Variants in TEC observed in about 807,000 individuals in gnomAD.
TEC encodes tec protein tyrosine kinase.
A neutral mutation model predicts 93.0 loss-of-function variants in TEC; 72 were observed. The ratio of observed to expected loss-of-function variants is 0.77; its 90% confidence interval spans 0.64 to 0.94. TEC has a LOEUF of 0.94. Among genes scored for constraint, TEC ranks in the 40% least tolerant of loss-of-function variants. The pLI, the probability that TEC is intolerant of heterozygous loss-of-function variation, is 0.00. For missense variants in TEC, 630 were observed against 757.9 expected (o/e 0.83, Z 1.98); for synonymous variants, 249 against 247.7 (o/e 1.01, Z -0.05).
intron 4 of TEC, among the ~76,000 whole-genome samples, chr4:48,170,944 A>C (rs1254225918): frequency 1.3e-5 from 2 of 151,924 alleles, no homozygotes; most frequent in African/African-American, 4.8e-5. Flanking sequence ...CTAGCTACTT[A>C]GGAGGCTGAG....
At position 48,163,802 on chromosome 4, in the gene TEC, T is replaced by C. The variant is rs556407049; in HGVS notation, c.672-35A>G. On this transcript the variant is annotated intron_variant, in intron 7 of 17. Coordinates refer to ENST00000381501, the MANE Select transcript of TEC (RefSeq NM_003215.3). ...AGAAAAATACTTTAGGTAAACTTAC[T>C]TTACTGGGAGGTTATTGAAAGAAAG... 2.2e-4 allele frequency: 262 copies of C among 1,184,384 alleles called. 2 individuals carry two copies. The South Asian group carries it at 3.5e-3, about 16-fold the overall frequency. The allele number at this position is 1,184,384 out of a possible 1,614,324, so 73.4% of individuals were successfully genotyped here. A position where few individuals can be genotyped will look rare whatever the true frequency, so the allele number is the denominator to read the frequency against.
chr4:48,165,682 C>T (rs1295341871), intron 7 of TEC, among the ~76,000 whole-genome samples: 1 of 152,156 alleles, frequency 6.6e-6, no homozygotes, highest in African/African-American at 2.4e-5. Context: ...TATTAAGTGA[C>T]ACCACAAGAA....
At chr4:48,179,355 TATATATATATATATA>T (rs1721472192) in intron 2 of TEC, among the ~76,000 whole-genome samples, 2 of 34,136 alleles carry the variant, frequency 5.9e-5, no homozygotes, top group Admixed American at 2.9e-4. Flanking sequence ...TATATATATA[TATATATATATATATA>T]TATATATTTT....
intron 2 of TEC, among the ~76,000 whole-genome samples, chr4:48,207,913 T>C (rs1577637720): frequency 6.6e-6 from 1 of 152,140 alleles, no homozygotes; most frequent in African/African-American, 2.4e-5. Flanking sequence ...TAAATCCTAA[T>C]AGAAGAAAAG....
intron 7 of TEC, among the ~76,000 whole-genome samples, chr4:48,167,043 T>C (rs1043170569): frequency 6.6e-6 from 1 of 151,928 alleles, no homozygotes; most frequent in African/African-American, 2.4e-5. Flanking sequence ...ATAAGTGGGA[T>C]TGCACTGCAG....
At chr4:48,224,668 T>A (rs1723383739) in intron 2 of TEC, among the ~76,000 whole-genome samples, 1 of 152,154 alleles carries the variant, frequency 6.6e-6, no homozygotes, top group Non-Finnish European at 1.5e-5. Flanking sequence ...GAGGACAAAC[T>A]AAAGAAGGAC....
At chr4:48,179,372 ATATATTTTTT>A (rs1347436325) in intron 2 of TEC, among the ~76,000 whole-genome samples, 21 of 27,064 alleles carry the variant, frequency 7.8e-4, no homozygotes, top group East Asian at 4.2e-3. Flanking sequence ...ATATATATAT[ATATATTTTTT>A]TTTTTTTTTT....
intron 2 of TEC, among the ~76,000 whole-genome samples, chr4:48,186,804 G>A (rs1424341732): frequency 1.3e-5 from 2 of 149,500 alleles, no homozygotes; most frequent in East Asian, 4.1e-4. Context: ...CCCCATCTGG[G>A]AGGGAGGTTG....
intron 8 of TEC, among the ~76,000 whole-genome samples, chr4:48,158,267 C>G (rs1356279640): frequency 6.6e-6 from 1 of 152,114 alleles, no homozygotes; most frequent in Non-Finnish European, 1.5e-5. Flanking sequence ...ATATAGTAGC[C>G]AAATGCAAAT....
chr4:48,189,146 C>T (rs1339241819), intron 2 of TEC, among the ~76,000 whole-genome samples: 1 of 152,168 alleles, frequency 6.6e-6, no homozygotes, highest in Non-Finnish European at 1.5e-5. Flanking sequence ...ACAGATGGCA[C>T]ATATATGGCA....
chr4:48,213,514 T>C (rs538601815), intron 2 of TEC, among the ~76,000 whole-genome samples: 36 of 152,286 alleles, frequency 2.4e-4, no homozygotes, highest in African/African-American at 7.9e-4. Context: ...GAAGTCCTCC[T>C]AAAAAAGTAA....
Position 48,146,280 on chromosome 4 carries a change from C to T in TEC, c.1081+45G>A, listed in dbSNP as rs748305261. 3 of 1,571,362 alleles carry T rather than the reference C, an allele frequency of 1.9e-6. No homozygotes were observed. The African/African-American group carries it at 4.1e-5, about 21-fold the overall frequency. ...CAAATTTATCTTATGACAATGGATT[C>T]TTTTCAAGGAAAATTAGCTCATGCA... On this transcript the variant is annotated intron_variant, in intron 12 of 17. Transcript: ENST00000381501.
At chr4:48,232,315 A>C (rs534774092) in intron 1 of TEC, among the ~76,000 whole-genome samples, 18 of 152,200 alleles carry the variant, frequency 1.2e-4, no homozygotes, top group Middle Eastern at 3.4e-3. Context: ...CAAAACAAAA[A>C]AAAAACACCT....
intron 2 of TEC, among the ~76,000 whole-genome samples, chr4:48,186,188 GC>G (rs1182883301): frequency 6.6e-6 from 1 of 152,226 alleles, no homozygotes; most frequent in Admixed American, 6.5e-5. Context: ...GAGTGCAGTG[GC>G]GTGATCTCGG....
At chr4:48,237,222 A>C (rs1343449673) in intron 1 of TEC, among the ~76,000 whole-genome samples, 2 of 151,890 alleles carry the variant, frequency 1.3e-5, no homozygotes, top group African/African-American at 2.4e-5. Context: ...TGGGAGGCTA[A>C]GGCATGCAAA....
chr4:48,248,273 T>G (rs1382424726), intron 1 of TEC, among the ~76,000 whole-genome samples: 1 of 152,210 alleles, frequency 6.6e-6, no homozygotes. Flanking sequence ...TGGGCTTTCC[T>G]GGCCTGGATA....
intron 2 of TEC, among the ~76,000 whole-genome samples, chr4:48,211,727 T>G (rs1216734704): frequency 6.6e-6 from 1 of 152,200 alleles, no homozygotes; most frequent in East Asian, 1.9e-4. Flanking sequence ...ATATATGAAA[T>G]GTACCATTTA....
At chr4:48,198,559 CT>C (rs1722383039) in intron 2 of TEC, among the ~76,000 whole-genome samples, 1 of 152,360 alleles carries the variant, frequency 6.6e-6, no homozygotes, top group South Asian at 2.1e-4. Flanking sequence ...ATTTACTACT[CT>C]TTGTCCAACA....
chr4:48,186,953 C>G (rs10000735), intron 2 of TEC, among the ~76,000 whole-genome samples: 1 of 152,144 alleles, frequency 6.6e-6, no homozygotes. Flanking sequence ...TCATTGAGAA[C>G]GGGCCATGAT....
Sources: gnomAD v4.1 joint callset for allele counts (sites outside exome capture counted in the v4.1 genomes callset) on GRCh38, gnomAD v4.1.1 for gene constraint, MANE v1.5 for transcripts, NCBI Gene and HGNC (gene_info 2026-07-23, HGNC 2026-07-21) for gene names.